Variants in CCDC102B observed in about 807,000 individuals in gnomAD.
CCDC102B encodes coiled-coil domain-containing protein 102B.
CCDC102B carries 75 observed loss-of-function variants against 57.4 expected under a neutral mutation model. The ratio of observed to expected loss-of-function variants is 1.31; its 90% confidence interval spans 1.08 to 1.58. The LOEUF is 1.58. Among genes scored for constraint, CCDC102B ranks in the 40% most tolerant of loss-of-function variants. CCDC102B has a pLI of 0.00. For missense variants in CCDC102B, 636 were observed against 582.6 expected (o/e 1.09, Z -0.94); for synonymous variants, 206 against 201.9 (o/e 1.02, Z -0.17).
intron 7 of CCDC102B, among the ~76,000 whole-genome samples, chr18:69,028,640 C>T (rs2052057367): frequency 6.6e-6 from 1 of 152,054 alleles, no homozygotes; most frequent in South Asian, 2.1e-4. Context: ...TTGACACACA[C>T]ACACACACAC....
upstream of CCDC102B, among the ~76,000 whole-genome samples, chr18:68,797,302 T>G (rs1258400144): frequency 1.3e-5 from 2 of 152,152 alleles, no homozygotes; most frequent in East Asian, 3.9e-4. Context: ...AAATGTTGTT[T>G]TTTTGCTACT....
At chr18:68,955,820 A>G (rs184012120) in intron 6 of CCDC102B, among the ~76,000 whole-genome samples, 8 of 152,124 alleles carry the variant, frequency 5.3e-5, no homozygotes, top group Admixed American at 5.2e-4. Flanking sequence ...GGGGTATGTG[A>G]GATATTTTGA....
chr18:68,999,555 G>A (rs971202840), intron 6 of CCDC102B, among the ~76,000 whole-genome samples: 13 of 152,048 alleles, frequency 8.5e-5, no homozygotes, highest in Non-Finnish European at 1.3e-4. Context: ...GCTGTGAGCC[G>A]AGATTGTGCC....
intron 6 of CCDC102B, among the ~76,000 whole-genome samples, chr18:68,954,866 T>A (rs1399915449): frequency 6.6e-6 from 1 of 152,322 alleles, no homozygotes; most frequent in East Asian, 1.9e-4. Flanking sequence ...CAATTACTTA[T>A]GTACTTTTCA....
chr18:69,050,944 G>A lies in CCDC102B; in HGVS notation c.1435-3086G>A, dbSNP rs1052081284. Among the ~76,000 whole-genome samples the A allele has an allele frequency of 6.6e-5, 10 of 152,238 alleles. No homozygotes were observed. In the East Asian group the frequency reaches 1.9e-3, roughly 30 times the overall value. On this transcript the variant is annotated intron_variant, in intron 7 of 7. Transcript: ENST00000360242. ...TCTTCACTCAGGTTGGTGTACAGTG[G>A]TATGATCATAGCTTACCATAATCCT...
chr18:69,035,265 A>G (rs1033544265), intron 7 of CCDC102B, among the ~76,000 whole-genome samples: 1 of 152,196 alleles, frequency 6.6e-6, no homozygotes, highest in African/African-American at 2.4e-5. Flanking sequence ...ACAATCGTCC[A>G]GTAGGCAAGG....
chr18:68,931,981 A>C (rs1355926187), intron 6 of CCDC102B, among the ~76,000 whole-genome samples: 1 of 145,994 alleles, frequency 6.8e-6, no homozygotes, highest in African/African-American at 2.4e-5. Context: ...AAACTGTATT[A>C]TTCTATAAAT....
chr18:68,879,271 A>C (rs2039581630), intron 5 of CCDC102B, among the ~76,000 whole-genome samples: 1 of 152,116 alleles, frequency 6.6e-6, no homozygotes, highest in Non-Finnish European at 1.5e-5. Context: ...CTTCGTGGTG[A>C]GTGTTACAGC....
chr18:68,853,867 C>G (rs77724038), intron 4 of CCDC102B, among the ~76,000 whole-genome samples: 1 of 151,876 alleles, frequency 6.6e-6, no homozygotes, highest in African/African-American at 2.4e-5. Flanking sequence ...CTTCAGCACA[C>G]GTGTGATCAT....
intron 1 of CCDC102B, among the ~76,000 whole-genome samples, chr18:68,810,807 A>T (rs549306160): frequency 6.7e-6 from 1 of 149,204 alleles, no homozygotes; most frequent in Non-Finnish European, 1.5e-5. Context: ...CATCTTCTAC[A>T]TTAGGTATTT....
intron 2 of CCDC102B, among the ~76,000 whole-genome samples, chr18:68,759,621 A>C (rs188399634): frequency 1.3e-5 from 2 of 152,240 alleles, no homozygotes. Flanking sequence ...TCAAATTGTC[A>C]ATCAGGGGTT....
At chr18:68,933,224 C>T (rs1408147307) in intron 6 of CCDC102B, among the ~76,000 whole-genome samples, 4 of 151,946 alleles carry the variant, frequency 2.6e-5, no homozygotes, top group South Asian at 2.1e-4. Flanking sequence ...GGCTGGCTGA[C>T]TCTAACAATG....
chr18:69,014,332 A>G (rs1386209292), intron 7 of CCDC102B, among the ~76,000 whole-genome samples: 3 of 152,230 alleles, frequency 2.0e-5, no homozygotes, highest in African/African-American at 7.2e-5. Context: ...TGGCAAATTC[A>G]GATATGGTCA....
chr18:68,733,486 A>ATATATT (rs2032980018), intron 2 of CCDC102B, among the ~76,000 whole-genome samples: 1 of 84,324 alleles, frequency 1.2e-5, no homozygotes, highest in Non-Finnish European at 2.2e-5. Flanking sequence ...CTTTATATAT[A>ATATATT]TATATATATA....
chr18:68,858,080 A>C (rs1294871112), intron 4 of CCDC102B, among the ~76,000 whole-genome samples: 1 of 152,206 alleles, frequency 6.6e-6, no homozygotes, highest in East Asian at 1.9e-4. Flanking sequence ...ACATATTGCC[A>C]TAGACCTGAA....
rs562459515 is a variant in CCDC102B, at chr18:68,730,224, T to C, written c.-67+13630T>C. On this transcript the variant is annotated intron_variant, in intron 2 of 3. Transcript: ENST00000578970. ...ATTATTACGTACTTCAGATTAGATT[T>C]CAGATCATCATTACAATAGGTCAGA... Among the ~76,000 whole-genome samples, 3 of 152,332 alleles carry C rather than the reference T, an allele frequency of 2.0e-5. No homozygotes were observed. In the East Asian group the frequency reaches 5.8e-4, roughly 29 times the overall value.
intron 6 of CCDC102B, among the ~76,000 whole-genome samples, chr18:68,918,240 G>A (rs2041146885): frequency 6.6e-6 from 1 of 152,190 alleles, no homozygotes; most frequent in South Asian, 2.1e-4. Flanking sequence ...ATACCTTTGA[G>A]AGTCAGCATT....
At chr18:68,883,971 G>T (rs187711503) in intron 5 of CCDC102B, among the ~76,000 whole-genome samples, 139 of 152,154 alleles carry the variant, frequency 9.1e-4, no homozygotes, top group African/African-American at 3.2e-3. Context: ...TTAACATCCG[G>T]TAGAAAGTTT....
intron 2 of CCDC102B, among the ~76,000 whole-genome samples, chr18:68,788,707 T>C (rs1389073054): frequency 4.0e-5 from 6 of 150,014 alleles, no homozygotes; most frequent in Non-Finnish European, 7.4e-5. Flanking sequence ...TCCTTTTATT[T>C]TGAGCCTATG....
Sources: allele counts gnomAD v4.1 joint callset (sites outside exome capture counted in the v4.1 genomes callset), GRCh38; gene constraint gnomAD v4.1.1; transcripts MANE v1.5; gene names NCBI Gene and HGNC (gene_info 2026-07-23, HGNC 2026-07-21).